The following PTPRD variants were observed in gnomAD, a reference collection of about 807,000 sequenced individuals.
PTPRD encodes the protein protein tyrosine phosphatase receptor type D, also known as receptor-type tyrosine-protein phosphatase delta.
A neutral mutation model predicts 214.5 loss-of-function variants in PTPRD; 34 were observed. The ratio of observed to expected loss-of-function variants is 0.16; its 90% CI spans 0.12 to 0.21. The LOEUF (loss-of-function observed/expected upper bound fraction) is 0.21, where lower values mean the gene tolerates loss of function less well. Ranked by LOEUF, PTPRD falls within the 10% of genes least tolerant of loss-of-function variation. PTPRD has a pLI of 1.00. For synonymous variants in PTPRD, 1,128 were observed against 845.7 expected (o/e 1.33, Z -5.79); for missense variants, 2,545 against 2,398.7 (o/e 1.06, Z -1.27).
intron 11 of PTPRD, among the ~76,000 whole-genome samples, chr9:8,916,545 T>G (rs184701123): frequency 1.4e-4 from 22 of 152,190 alleles, no homozygotes; most frequent in Admixed American, 1.3e-3. Context: ...AGAGAGGCCT[T>G]TTAGAAAAGT....
intron 4 of PTPRD, among the ~76,000 whole-genome samples, chr9:10,025,317 G>A (rs889285451): frequency 3.9e-5 from 6 of 152,082 alleles, no homozygotes; most frequent in Admixed American, 1.3e-4. Flanking sequence ...TTTAATGATC[G>A]CCATTCTAAC....
intron 12 of PTPRD, among the ~76,000 whole-genome samples, chr9:8,669,638 A>G (rs2154362172): frequency 6.6e-6 from 1 of 152,330 alleles, no homozygotes; most frequent in East Asian, 1.9e-4. Flanking sequence ...TGGAAGTTTC[A>G]AAGAGAGACA....
At chr9:10,160,676 T>C (rs1002338374) in intron 3 of PTPRD, among the ~76,000 whole-genome samples, 1 of 151,870 alleles carries the variant, frequency 6.6e-6, no homozygotes, top group Non-Finnish European at 1.5e-5. Context: ...AAAACAAGGA[T>C]ACTCATTTTC....
chr9:8,373,232 C>T (rs1369537608), intron 39 of PTPRD, among the ~76,000 whole-genome samples: 2 of 151,882 alleles, frequency 1.3e-5, no homozygotes, highest in Non-Finnish European at 2.9e-5. Flanking sequence ...ATTATACTGT[C>T]AAGTTTTAAC....
intron 8 of PTPRD, among the ~76,000 whole-genome samples, chr9:9,508,588 T>C (rs952320052): frequency 6.6e-6 from 1 of 151,694 alleles, no homozygotes; most frequent in Non-Finnish European, 1.5e-5. Context: ...GAGTTTCCCT[T>C]GCTTTCCAAC....
intron 8 of PTPRD, among the ~76,000 whole-genome samples, chr9:9,468,161 C>G (rs1372689613): frequency 6.6e-6 from 1 of 151,816 alleles, no homozygotes; most frequent in African/African-American, 2.4e-5. Context: ...TTCCTTCTTT[C>G]TGTGTAGGTA....
chr9:10,491,229 G>T (rs1041684013), intron 2 of PTPRD, among the ~76,000 whole-genome samples: 10 of 152,038 alleles, frequency 6.6e-5, no homozygotes, highest in African/African-American at 2.4e-4. Flanking sequence ...TTCTTATATT[G>T]AAAAATGCAA....
intron 3 of PTPRD, among the ~76,000 whole-genome samples, chr9:10,277,187 CA>C (rs2094751150): frequency 6.6e-6 from 1 of 151,814 alleles, no homozygotes; most frequent in African/African-American, 2.4e-5. Context: ...AAAAAAACAA[CA>C]TAAACATAAA....
intron 5 of PTPRD, among the ~76,000 whole-genome samples, chr9:9,870,297 A>C (rs905526097): frequency 6.6e-6 from 1 of 152,064 alleles, no homozygotes; most frequent in African/African-American, 2.4e-5. Context: ...ATAGATTTCA[A>C]TATATCATTC....
intron 5 of PTPRD, among the ~76,000 whole-genome samples, chr9:9,815,490 C>T (rs1025965523): frequency 6.6e-6 from 1 of 151,830 alleles, no homozygotes; most frequent in Non-Finnish European, 1.5e-5. Flanking sequence ...AAAGCAAAGT[C>T]AACAAAAGCA....
At chr9:9,588,524 G>C (rs868767481) in intron 7 of PTPRD, among the ~76,000 whole-genome samples, 16 of 151,950 alleles carry the variant, frequency 1.1e-4, no homozygotes, top group African/African-American at 3.9e-4. Context: ...TAATATGGTA[G>C]TTTTTGATTA....
intron 11 of PTPRD, among the ~76,000 whole-genome samples, chr9:8,776,909 AATAT>A (rs2095504991): frequency 4.6e-5 from 1 of 21,616 alleles, no homozygotes; most frequent in Admixed American, 5.2e-4. Context: ...ACATATGTAT[AATAT>A]ATGTATAATA....
chr9:9,080,754 A>AT (rs1018239361), intron 10 of PTPRD, among the ~76,000 whole-genome samples: 19 of 151,940 alleles, frequency 1.3e-4, no homozygotes, highest in Non-Finnish European at 2.1e-4. Context: ...GAATTTATCC[A>AT]TTTTTTCTAG....
chr9:9,880,975 T>C (rs1319310944), intron 5 of PTPRD, among the ~76,000 whole-genome samples: 1 of 152,122 alleles, frequency 6.6e-6, no homozygotes, highest in Non-Finnish European at 1.5e-5. Flanking sequence ...TACCTATGTG[T>C]AGTCAAAAAG....
chr9:10,053,530 A>G (rs1472826800), intron 3 of PTPRD, among the ~76,000 whole-genome samples: 1 of 152,168 alleles, frequency 6.6e-6, no homozygotes, highest in Non-Finnish European at 1.5e-5. Flanking sequence ...CTGGAAGCAT[A>G]TATTCCTATA....
chr9:10,045,563 C>T (rs1173952580), intron 3 of PTPRD, among the ~76,000 whole-genome samples: 1 of 151,562 alleles, frequency 6.6e-6, no homozygotes, highest in African/African-American at 2.4e-5. Flanking sequence ...GTATATGTTT[C>T]AGCTATCATT....
chr9:9,157,878 C>T (rs2099882639), intron 10 of PTPRD, among the ~76,000 whole-genome samples: 1 of 152,086 alleles, frequency 6.6e-6, no homozygotes, highest in Admixed American at 6.6e-5. Flanking sequence ...CCTTGCCTGA[C>T]CCCCCAACAG....
intron 12 of PTPRD, among the ~76,000 whole-genome samples, chr9:8,657,232 A>G (rs1256453960): frequency 6.7e-6 from 1 of 148,232 alleles, no homozygotes; most frequent in African/African-American, 2.5e-5. Flanking sequence ...CAATGGTGCA[A>G]TCTTGGCTCA....
chr9:9,280,668 T>A (rs1047755642), intron 9 of PTPRD, among the ~76,000 whole-genome samples: 1 of 151,442 alleles, frequency 6.6e-6, no homozygotes, highest in Non-Finnish European at 1.5e-5. Flanking sequence ...TGTTAATGAA[T>A]AAGAAGACTC....
Sources: allele counts gnomAD v4.1 joint callset (sites outside exome capture counted in the v4.1 genomes callset), GRCh38; gene constraint gnomAD v4.1.1; transcripts MANE v1.5; gene names NCBI Gene and HGNC (gene_info 2026-07-23, HGNC 2026-07-21).